Variants in BTK observed in about 807,000 individuals in gnomAD.
BTK encodes the protein tyrosine-protein kinase BTK.
BTK carries 5 observed loss-of-function variants against 57.4 expected under a neutral mutation model. The observed-to-expected ratio is 0.09, with a 90% CI of 0.05 to 0.18. BTK has a LOEUF of 0.18. Ranked by LOEUF, BTK falls within the 10% of genes least tolerant of loss-of-function variation. BTK has a pLI of 1.00. For missense variants in BTK, 194 were observed against 501.2 expected, an observed-to-expected ratio of 0.39 and a Z score of 5.85; for synonymous variants, 154 against 174.3, an observed-to-expected ratio of 0.88 and a Z score of 0.92.
At chrX:101,379,098 C>CG (rs1359517864) in intron 1 of BTK, among the ~76,000 whole-genome samples, 1 of 106,829 alleles carries the variant, frequency 9.4e-6, no homozygotes, top group Admixed American at 1.0e-4. Flanking sequence ...CGCTTGAACT[C>CG]GGGAGGCGGA....
Position 101,358,413 on chromosome X carries a change from A to G in BTK, c.999T>C (p.His333=). 7 of 1,211,815 alleles carry G rather than the reference A, an allele frequency of 5.8e-6. No homozygotes were observed. The highest frequency in any genetic ancestry group is 7.8e-6 in the Non-Finnish European group (7 of 895,518). Residue 333 remains histidine (H), a synonymous_variant, in exon 12 of 19, where the codon CAT becomes CAC. Transcript: ENST00000308731. ...TCTGAGGTGTGGAACACACAACATA[A>G]TGACGTATCACCCCTTGAGGGTCCC... ...STGDPQGVIR[H]YVVCSTPQSQ...
intron 1 of BTK, among the ~76,000 whole-genome samples, chrX:101,382,328 T>TTTATTTATTTAC (rs1382224171): frequency 4.6e-5 from 5 of 108,493 alleles, no homozygotes; most frequent in African/African-American, 1.7e-4. Flanking sequence ...TATTTATTTA[T>TTTATTTATTTAC]TTATTTATTT....
intron 3 of BTK, among the ~76,000 whole-genome samples, chrX:101,372,751 G>C (rs1019991570): frequency 1.9e-5 from 2 of 106,749 alleles, no homozygotes; most frequent in Non-Finnish European, 3.9e-5. Context: ...CACCTGAAAT[G>C]CTATTTTTCT....
At chrX:101,359,455 C>T (rs1603007340) in intron 9 of BTK, 108 bp from the exon 10 acceptor site, 16 of 759,727 alleles carry the variant, frequency 2.1e-5, no homozygotes, top group Non-Finnish European at 2.7e-5. Context: ...CTCACTCAAA[C>T]CCTATTTACT....
At chrX:101,356,423 G>A in intron 14 of BTK, 155 bp from the exon 15 acceptor site, 1 of 500,208 alleles carries the variant, frequency 2.0e-6, no homozygotes. Context: ...AATCTCAAAA[G>A]TGCTTAAAAT....
rs782732287 is a variant in BTK, at chrX:101,353,369, T to A, written c.1751-18A>T. 15 of 1,205,593 alleles carry A rather than the reference T, an allele frequency of 1.2e-5. No individual in the cohort carries two copies. The highest frequency in any genetic ancestry group is 1.3e-5 in the Non-Finnish European group (12 of 890,632). ...CAAAACCCCTAGAAGGTGAAAAAAA[T>A]TATTAAATTGGTTTGCAGTCTTTTT... On this transcript the variant is annotated intron_variant, in intron 17 of 18. Transcript: ENST00000308731.
rs782052501 is a variant in BTK, at chrX:101,370,032, T to C, written c.357A>G (p.Glu119=). The C allele has an allele frequency of 8.3e-7, 1 of 1,211,565 alleles. No individual in the cohort carries two copies. Among genetic ancestry groups the C allele is most frequent in the East Asian group, 3.0e-5 (1 of 33,860 alleles). Residue 119 remains glutamate (E), a synonymous_variant, in exon 5 of 19, where the codon GAA becomes GAG. Transcript: ENST00000308731. Reference sequence around the variant, plus strand: ...GCTGGTGAATCCACCGCTTCCTTAGTTCTTCAGTTGGGGAGAAGACGTAGA... The same window carrying C: ...GCTGGTGAATCCACCGCTTCCTTAGCTCTTCAGTTGGGGAGAAGACGTAGA... ...GPLYVFSPTE[E]LRKRWIHQLK...
At chrX:101,355,632 A>G (rs1664847860) in intron 15 of BTK, 2 of 140,881 alleles carry the variant, frequency 1.4e-5, no homozygotes, top group Admixed American at 1.5e-4. Flanking sequence ...TTTGCTAATT[A>G]TTATATAACA....
intron 2 of BTK, among the ~76,000 whole-genome samples, chrX:101,374,885 T>C (rs1927157610): frequency 8.9e-6 from 1 of 111,923 alleles, no homozygotes; most frequent in East Asian, 2.8e-4. Flanking sequence ...AACTCTTCGA[T>C]TTCATTTTCA....
intron 12 of BTK, 45 bp downstream of exon 12, chrX:101,358,265 A>T (rs1555978116): frequency 8.3e-7 from 1 of 1,208,915 alleles, no homozygotes; most frequent in Admixed American, 2.2e-5. Context: ...TGCATTGCTT[A>T]TCCTGGTGTC....
Position 101,358,603 on chromosome X carries a change from A to C in BTK, c.974+14T>G. The C allele has an allele frequency of 8.3e-7, 1 of 1,204,327 alleles. No homozygotes were observed. Among genetic ancestry groups the C allele is most frequent in the Non-Finnish European group, 1.1e-6 (1 of 888,749 alleles). ...TGTTCTTTGTCCTCAGGGCCTTGGA[A>C]TAGTAGCACTCACCCTGTGGATTTA... On this transcript the variant is annotated intron_variant, in intron 11 of 18. Transcript: ENST00000308731.
intron 5 of BTK, among the ~76,000 whole-genome samples, chrX:101,363,887 CATTATTATTATTATTATTATTATT>C (rs72240121): frequency 1.2e-4 from 10 of 81,830 alleles, no homozygotes; most frequent in Admixed American, 1.4e-4. Context: ...GAATCCCGCA[CATTATTATTATTATTATTATTATT>C]ATTATTATTA....
At chrX:101,386,978 C>T (rs1927628387), upstream of BTK, among the ~76,000 whole-genome samples, 2 of 111,219 alleles carry the variant, frequency 1.8e-5, no homozygotes, top group South Asian at 7.5e-4. Context: ...CAGGGATTCT[C>T]CTAGGAAATG....
chrX:101,374,840 G>A (rs1028208550), intron 2 of BTK, among the ~76,000 whole-genome samples: 1 of 111,587 alleles, frequency 9.0e-6, no homozygotes, highest in African/African-American at 3.3e-5. Context: ...ATGACTGTAT[G>A]TACCTTCCTC....
At chrX:101,353,104 G>T in intron 18 of BTK, 90 bp downstream of exon 18, 1 of 806,747 alleles carries the variant, frequency 1.2e-6, no homozygotes, top group Non-Finnish European at 1.8e-6. Flanking sequence ...AAGAATGTGT[G>T]CAGCTATCAG....
chrX:101,359,920 AC>A (rs1926606956), intron 9 of BTK, among the ~76,000 whole-genome samples, 167 bp downstream of exon 9: 1 of 105,352 alleles, frequency 9.5e-6, no homozygotes, highest in African/African-American at 3.4e-5. Context: ...TACATAATAT[AC>A]CTATATATAC....
intron 8 of BTK, 38 bp downstream of exon 8, chrX:101,360,530 G>C (rs1391273900): frequency 2.5e-6 from 3 of 1,192,937 alleles, no homozygotes; most frequent in Non-Finnish European, 3.4e-6. Context: ...TAGGGAGTGG[G>C]CAGGCACCAG....
chrX:101,360,712 A>G lies in BTK; in HGVS notation c.632T>C (p.Val211Ala), dbSNP rs1555978501. The change falls in exon 8 of 19, where the codon GTC becomes GCC. Residue 211 changes from valine (V) to alanine (A), a missense_variant. Physicochemically the swap from Val to Ala is moderately conservative, Grantham distance 64. Coordinates refer to ENST00000308731, the MANE Select transcript of BTK (RefSeq NM_000061.3). ...PLPPEPAAAP[V>A]STSELKKVVA... ...AACCTTTTTCAGCTCACTTGTGGAGACTGGTGCTGCTGCTGGCTCAGGCGG... is the reference window on the plus strand; with the variant it reads ...AACCTTTTTCAGCTCACTTGTGGAGGCTGGTGCTGCTGCTGGCTCAGGCGG... 8.3e-7 allele frequency: 1 copy of G among 1,211,496 alleles called. No individual in the cohort carries two copies. Among genetic ancestry groups the G allele is most frequent in the African/African-American group, 1.7e-5 (1 of 57,675 alleles).
At chrX:101,389,208 A>G (rs903020320), upstream of BTK, among the ~76,000 whole-genome samples, 1 of 112,061 alleles carries the variant, frequency 8.9e-6, no homozygotes, top group Non-Finnish European at 1.9e-5. Context: ...GTGTATACAC[A>G]TATCAAATCA....
Sources: gnomAD v4.1 joint callset for allele counts (sites outside exome capture counted in the v4.1 genomes callset) on GRCh38, gnomAD v4.1.1 for gene constraint, MANE v1.5 for transcripts, NCBI Gene and HGNC (gene_info 2026-07-23, HGNC 2026-07-21) for gene names.